BTBD9: variants seen among roughly 807,000 people sequenced by gnomAD.
BTBD9 encodes the protein BTB domain containing 9.
In BTBD9, 49 loss-of-function variants were observed where a neutral mutation model predicts 64.3. The ratio of observed to expected loss-of-function variants is 0.76; its 90% CI spans 0.61 to 0.97. The LOEUF (loss-of-function observed/expected upper bound fraction) is 0.97. Ranked by LOEUF, BTBD9 falls within the 50% of genes least tolerant of loss-of-function variation. The pLI, the probability that BTBD9 is intolerant of heterozygous loss-of-function variation, is 0.00. For missense variants in BTBD9, 598 were observed against 762.1 expected, an observed-to-expected ratio of 0.78 and a Z score of 2.53; for synonymous variants, 260 against 274.7, an observed-to-expected ratio of 0.95 and a Z score of 0.53.
chr6:38,341,446 A>C (rs1274541023), intron 7 of BTBD9, among the ~76,000 whole-genome samples: 1 of 152,260 alleles, frequency 6.6e-6, no homozygotes, highest in Non-Finnish European at 1.5e-5. Context: ...AAACTAGGTT[A>C]GCTGTGAATT....
intron 7 of BTBD9, among the ~76,000 whole-genome samples, chr6:38,338,932 A>C (rs1189646108): frequency 6.6e-6 from 1 of 152,222 alleles, no homozygotes; most frequent in African/African-American, 2.4e-5. Flanking sequence ...TCACCTATCG[A>C]ACTGGCTAAA....
At chr6:38,313,367 A>C (rs1762912893) in intron 7 of BTBD9, among the ~76,000 whole-genome samples, 1 of 152,104 alleles carries the variant, frequency 6.6e-6, no homozygotes, top group Non-Finnish European at 1.5e-5. Context: ...GATGCTCTTT[A>C]TTTCTTTCTC....
chr6:38,284,390 C>A (rs1262401243), intron 8 of BTBD9, among the ~76,000 whole-genome samples: 1 of 152,184 alleles, frequency 6.6e-6, no homozygotes, highest in Non-Finnish European at 1.5e-5. Context: ...CCAGTGACAG[C>A]CTTTTCTGGA....
intron 7 of BTBD9, among the ~76,000 whole-genome samples, chr6:38,295,454 C>T (rs974978015): frequency 6.6e-6 from 1 of 152,174 alleles, no homozygotes; most frequent in Admixed American, 6.6e-5. Context: ...GCATGAGCCA[C>T]CACGCCTGGC....
intron 7 of BTBD9, among the ~76,000 whole-genome samples, chr6:38,327,830 T>C (rs547370640): frequency 1.4e-4 from 21 of 152,364 alleles, no homozygotes; most frequent in African/African-American, 1.9e-4. Flanking sequence ...ATCTATCATC[T>C]AGATTCTCAA....
rs976149178 is a variant in BTBD9 at position 38,371,805 on chromosome 6, G to A, written c.1155-26712C>T. Among the ~76,000 whole-genome samples the A allele has an allele frequency of 3.3e-5, 5 of 152,268 alleles. No individual in the cohort carries two copies. In the East Asian group the frequency reaches 9.6e-4, roughly 29 times the overall value. On this transcript the variant is annotated intron_variant, in intron 6 of 10. Coordinates refer to ENST00000481247, the MANE Select transcript of BTBD9 (RefSeq NM_001099272.2). ...TATGGTGTGACTGTTTTTCGTTAAT[G>A]TCCCCAAACCATTTATATCAATATC...
intron 7 of BTBD9, among the ~76,000 whole-genome samples, chr6:38,338,115 C>T (rs1763965422): frequency 6.6e-6 from 1 of 152,190 alleles, no homozygotes; most frequent in South Asian, 2.1e-4. Context: ...CCCCCCTTAT[C>T]TGCAGGGGAT....
chr6:38,584,398 C>A (rs555185061), intron 4 of BTBD9, among the ~76,000 whole-genome samples: 1 of 152,168 alleles, frequency 6.6e-6, no homozygotes, highest in African/African-American at 2.4e-5. Context: ...ATTTTTAATG[C>A]ATAATATTAA....
chr6:38,471,040 T>C (rs184857193), intron 6 of BTBD9, among the ~76,000 whole-genome samples: 2 of 152,342 alleles, frequency 1.3e-5, no homozygotes, highest in African/African-American at 4.8e-5. Flanking sequence ...TGATGACTTT[T>C]GGAGCTCTAA....
rs559510374 is a variant in BTBD9 at position 38,537,860 on chromosome 6, T to C, written c.1154+39740A>G. Among the ~76,000 whole-genome samples, 3 of 152,280 alleles carry C rather than the reference T, an allele frequency of 2.0e-5. No homozygotes were observed. The East Asian group carries it at 5.8e-4, about 29-fold the overall frequency. ...AGTGATGTATAACACTTTCAAGCCT[T>C]GGTCCTAATACATTGGGCATACTGT... On this transcript the variant is annotated intron_variant, in intron 6 of 10. Coordinates refer to ENST00000481247, the MANE Select transcript of BTBD9 (RefSeq NM_001099272.2).
At chr6:38,389,278 G>A (rs1224728742) in intron 6 of BTBD9, among the ~76,000 whole-genome samples, 1 of 152,078 alleles carries the variant, frequency 6.6e-6, no homozygotes, top group Non-Finnish European at 1.5e-5. Context: ...AATATGCTCA[G>A]ATGTGTTCTG....
intron 9 of BTBD9, among the ~76,000 whole-genome samples, chr6:38,199,918 G>C (rs991234511): frequency 2.0e-5 from 3 of 152,244 alleles, no homozygotes; most frequent in Non-Finnish European, 4.4e-5. Context: ...GTAGGCAGGG[G>C]TGACCATGGG....
At chr6:38,427,025 C>A (rs1277613034) in intron 6 of BTBD9, among the ~76,000 whole-genome samples, 1 of 151,788 alleles carries the variant, frequency 6.6e-6, no homozygotes, top group Non-Finnish European at 1.5e-5. Flanking sequence ...CGTTCTGTAT[C>A]CTACATCCTA....
At chr6:38,470,932 T>C (rs1230242550) in intron 6 of BTBD9, among the ~76,000 whole-genome samples, 2 of 152,242 alleles carry the variant, frequency 1.3e-5, no homozygotes, top group African/African-American at 4.8e-5. Context: ...TAACATGCAC[T>C]GAACGAAGTA....
chr6:38,417,798 G>A (rs60244372), intron 6 of BTBD9, among the ~76,000 whole-genome samples: 29,464 of 101,756 alleles, frequency 0.29, 3,106 homozygotes, highest in African/African-American at 0.37. Context: ...GAGAGAGAGA[G>A]AGAAAAAAAA....
chr6:38,320,461 T>C (rs922752285), intron 7 of BTBD9, among the ~76,000 whole-genome samples: 2 of 152,202 alleles, frequency 1.3e-5, no homozygotes, highest in African/African-American at 4.8e-5. Flanking sequence ...CCATCATATC[T>C]ACATATTAAT....
rs1382123511 is a variant in BTBD9, at chr6:38,170,007, G to C, written c.*4978C>G. On this transcript the variant is annotated 3_prime_UTR_variant, in exon 11 of 11. Transcript: ENST00000481247. ...CTGGCCTGGGAGATGCCAGGGTGCT[G>C]GGTGGGTTGGAGGCTGGGCCAGGGA... 1 of 152,330 alleles carries C rather than the reference G, an allele frequency of 6.6e-6. No individual in the cohort carries two copies. Among genetic ancestry groups the C allele is most frequent in the Non-Finnish European group, 1.5e-5 (1 of 68,164 alleles). The allele number at this position is 152,330 out of a possible 1,614,324, so 9.4% of individuals were successfully genotyped here.
intron 6 of BTBD9, among the ~76,000 whole-genome samples, chr6:38,435,818 G>A (rs1297064732): frequency 6.6e-6 from 1 of 150,990 alleles, no homozygotes; most frequent in Non-Finnish European, 1.5e-5. Flanking sequence ...ACAGGTGCCC[G>A]CCACTGCGCC....
At chr6:38,432,711 C>A (rs1768499986) in intron 6 of BTBD9, among the ~76,000 whole-genome samples, 1 of 151,912 alleles carries the variant, frequency 6.6e-6, no homozygotes, top group African/African-American at 2.4e-5. Context: ...GGTCCTGTGG[C>A]ACACACCCTC....
Sources: allele counts gnomAD v4.1 joint callset (sites outside exome capture counted in the v4.1 genomes callset), GRCh38; gene constraint gnomAD v4.1.1; transcripts MANE v1.5; gene names NCBI Gene and HGNC (gene_info 2026-07-23, HGNC 2026-07-21).